Variants in EGFR observed in about 807,000 individuals in gnomAD.
The protein encoded by EGFR is epidermal growth factor receptor, also known as avian erythroblastic leukemia viral (v-erb-b) oncogene homolog.
Under a neutral mutation model 143.0 loss-of-function variants are expected in EGFR, and 58 were observed. That is an observed-to-expected ratio of 0.41 (90% confidence interval 0.33 to 0.50). The LOEUF is 0.50. Among genes scored for constraint, EGFR ranks in the 20% least tolerant of loss-of-function variants. EGFR has a pLI of 0.39. For missense variants in EGFR, 1,307 were observed against 1,579.0 expected (o/e 0.83, Z 2.92); for synonymous variants, 613 against 594.4 (o/e 1.03, Z -0.45).
At chr7:55,158,053 C>A (rs1043286419) in intron 11 of EGFR, among the ~76,000 whole-genome samples, 10 of 152,222 alleles carry the variant, frequency 6.6e-5, no homozygotes, top group Non-Finnish European at 1.2e-4. Context: ...TATATTAGCT[C>A]CTGTGTCTTT....
intron 1 of EGFR, among the ~76,000 whole-genome samples, chr7:55,068,716 C>T (rs141081248): frequency 1.3e-5 from 2 of 152,148 alleles, no homozygotes; most frequent in East Asian, 1.9e-4. Context: ...CTCCAGTGAC[C>T]GGGAGGCAAT....
In EGFR at chr7:55,127,771, G is replaced by A. The variant is rs563599836; in HGVS notation, c.89-14515G>A. On this transcript the variant is annotated intron_variant, in intron 1 of 27. Transcript: ENST00000275493. The stretch of plus-strand genomic sequence containing the variant: ...CACACTTCCAGTTTTTCCCTTCTCT[G>A]GTTACTGGCCTCAATAACCAGGCAG... Among the ~76,000 whole-genome samples, 293 of 152,204 alleles carry A rather than the reference G, an allele frequency of 1.9e-3. 1 individual carries two copies. The highest frequency in any genetic ancestry group is 3.2e-3 in the Non-Finnish European group (215 of 68,026).
intron 1 of EGFR, among the ~76,000 whole-genome samples, chr7:55,110,177 A>G (rs572897794): frequency 7.7e-4 from 118 of 152,334 alleles, no homozygotes; most frequent in African/African-American, 2.6e-3. Context: ...AATATGTAAC[A>G]TATCCCATGC....
Position 55,120,770 on chromosome 7 carries a change from G to C in EGFR, c.89-21516G>C, listed in dbSNP as rs565671475. Among the ~76,000 whole-genome samples the C allele has an allele frequency of 2.6e-5, 4 of 152,228 alleles. No homozygotes were observed. The South Asian group carries it at 8.3e-4, about 32-fold the overall frequency. On this transcript the variant is annotated intron_variant, in intron 1 of 27. Coordinates refer to ENST00000275493, the MANE Select transcript of EGFR (RefSeq NM_005228.5). Reference sequence around the variant, plus strand: ...GGTTTGGAGTGGAGGGCATTCATCGGGCTGCATATTCCTATTTTTAATTGT... The same window carrying C: ...GGTTTGGAGTGGAGGGCATTCATCGCGCTGCATATTCCTATTTTTAATTGT...
At chr7:55,170,826 T>A (rs1786312623) in intron 15 of EGFR, 13 of 1,416,872 alleles carry the variant, frequency 9.2e-6, no homozygotes, top group Non-Finnish European at 1.2e-5. Flanking sequence ...GCTTCTAGCC[T>A]TGGTTCCTTC....
intron 1 of EGFR, among the ~76,000 whole-genome samples, chr7:55,089,701 G>T (rs1790985006): frequency 6.6e-6 from 1 of 152,170 alleles, no homozygotes; most frequent in Admixed American, 6.5e-5. Context: ...TCTCAAAAAT[G>T]TGTTTTCCAT....
chr7:55,173,041 G>T lies in EGFR; in HGVS notation c.1978G>T (p.Val660Leu). 1 of 1,614,014 alleles carries T rather than the reference G, an allele frequency of 6.2e-7. No homozygotes were observed. ...MVGALLLLLV[V>L]ALGIGLFMRR... ...GGGGGCCCTCCTCTTGCTGCTGGTG[G>T]TGGCCCTGGGGATCGGCCTCTTCAT... The change falls in exon 17 of 28, where the codon GTG becomes TTG. Residue 660 changes from valine to leucine, a missense_variant. By Grantham distance (32) the Val-to-Leu change is conservative. Around this residue, in one of 7 missense-constraint regions of EGFR, gnomAD observed 348 missense variants for 451.5 expected, o/e 0.77. Transcript: ENST00000275493.
Position 55,181,497 on chromosome 7 carries a change from T to C in EGFR, c.2469+19T>C, listed in dbSNP as rs199585163. ...CGCAAAGGTAATCAGGGAAGGGAGA[T>C]ACGGGGAGGGGAGATAAGGAGCCAG... On this transcript the variant is annotated intron_variant, in intron 20 of 27. Transcript: ENST00000275493. 383 of 1,614,070 alleles carry C rather than the reference T, an allele frequency of 2.4e-4. 1 individual carries two copies. The highest frequency in any genetic ancestry group is 4.9e-4 in the Middle Eastern group (3 of 6,062).
chr7:55,021,924 C>T (rs1244093839), intron 1 of EGFR, among the ~76,000 whole-genome samples: 1 of 152,206 alleles, frequency 6.6e-6, no homozygotes. Flanking sequence ...AACTCCAGAT[C>T]CCTCTCTCAA....
At chr7:55,181,025 C>G (rs183359520) in intron 19 of EGFR, 2 of 570,362 alleles carry the variant, frequency 3.5e-6, no homozygotes, top group East Asian at 5.9e-5. Context: ...ATCCAATGTG[C>G]TCCTCATGGC....
At chr7:55,145,045 C>CTA (rs1794687455) in intron 3 of EGFR, among the ~76,000 whole-genome samples, 1 of 152,172 alleles carries the variant, frequency 6.6e-6, no homozygotes, top group African/African-American at 2.4e-5. Context: ...AATGTGATAC[C>CTA]ATTAATAGCT....
chr7:55,176,458 G>T (rs1033801601), intron 19 of EGFR, among the ~76,000 whole-genome samples: 1 of 152,130 alleles, frequency 6.6e-6, no homozygotes, highest in Admixed American at 6.5e-5. Context: ...GGTGGCTTTC[G>T]CCTGTAATCC....
At chr7:55,086,875 C>T (rs765172958) in intron 1 of EGFR, among the ~76,000 whole-genome samples, 3 of 152,184 alleles carry the variant, frequency 2.0e-5, no homozygotes, top group Non-Finnish European at 2.9e-5. Context: ...TCCACCCCCT[C>T]GTGCCTCTCT....
chr7:55,164,365 T>C (rs1037042939), intron 14 of EGFR, among the ~76,000 whole-genome samples: 2 of 152,200 alleles, frequency 1.3e-5, no homozygotes, highest in Admixed American at 6.5e-5. Flanking sequence ...TGTTATTATA[T>C]AGGGAGCTCT....
intron 1 of EGFR, among the ~76,000 whole-genome samples, chr7:55,110,775 G>T (rs988698602): frequency 6.6e-5 from 10 of 152,068 alleles, no homozygotes; most frequent in Admixed American, 6.5e-4. Context: ...CTTGCCATTC[G>T]CTGGCCATTA....
rs1421170267 is a variant in EGFR, at chr7:55,174,591, G to C, written c.2185-131G>C. On this transcript the variant is annotated intron_variant, in intron 18 of 27. Transcript: ENST00000275493. ...CAGCCCCCAGCAATATCAGCCTTAGGTGCGGCTCCACAGCCCCAGTGTCCC... is the reference window on the plus strand; with the variant it reads ...CAGCCCCCAGCAATATCAGCCTTAGCTGCGGCTCCACAGCCCCAGTGTCCC... The C allele has an allele frequency of 4.7e-5, 38 of 801,986 alleles. No homozygotes were observed. The Admixed American group carries it at 7.0e-4, about 15-fold the overall frequency. 49.7% of individuals were successfully genotyped at this position (801,986 alleles called of 1,614,324 possible).
At chr7:55,031,937 G>C (rs145623177) in intron 1 of EGFR, among the ~76,000 whole-genome samples, 1 of 152,168 alleles carries the variant, frequency 6.6e-6, no homozygotes, top group Non-Finnish European at 1.5e-5. Context: ...GGTGACAAGG[G>C]AAGAGGTAGC....
intron 1 of EGFR, among the ~76,000 whole-genome samples, chr7:55,059,086 G>T (rs531142910): frequency 2.6e-5 from 4 of 152,310 alleles, no homozygotes; most frequent in Admixed American, 1.3e-4. Flanking sequence ...CAGCACAAAA[G>T]ACTAAACTGA....
At chr7:55,126,904 G>A (rs913219286) in intron 1 of EGFR, among the ~76,000 whole-genome samples, 6 of 152,146 alleles carry the variant, frequency 3.9e-5, no homozygotes, top group Non-Finnish European at 7.3e-5. Context: ...GGATCATACC[G>A]TAGTATGAAA....
Sources: allele counts gnomAD v4.1 joint callset (sites outside exome capture counted in the v4.1 genomes callset), GRCh38; gene constraint gnomAD v4.1.1; regional missense constraint gnomAD v4.1.1; transcripts MANE v1.5; gene names NCBI Gene and HGNC (gene_info 2026-07-23, HGNC 2026-07-21).